WBP1L: variants seen among roughly 807,000 people sequenced by gnomAD.
The protein encoded by WBP1L is WW domain binding protein 1-like.
Under a neutral mutation model 33.7 loss-of-function variants are expected in WBP1L, and 17 were observed. That is an observed-to-expected ratio of 0.50 (90% CI 0.34 to 0.76). The LOEUF is 0.76. Ranked by LOEUF, WBP1L falls within the 30% of genes least tolerant of loss-of-function variation. WBP1L has a pLI of 0.01. For synonymous variants in WBP1L, 173 were observed against 190.8 expected (o/e 0.91, Z 0.77); for missense variants, 389 against 469.4 (o/e 0.83, Z 1.58).
chr10:102,808,317 C>G (rs1416127308), intron 2 of WBP1L, among the ~76,000 whole-genome samples: 1 of 151,850 alleles, frequency 6.6e-6, no homozygotes, highest in African/African-American at 2.4e-5. Flanking sequence ...CCCCCTCGTG[C>G]GTATATGTGT....
chr10:102,750,075 C>G (rs971736711), intron 1 of WBP1L, among the ~76,000 whole-genome samples: 59 of 151,876 alleles, frequency 3.9e-4, no homozygotes, highest in African/African-American at 1.3e-3. Context: ...AGCGACCACG[C>G]CTGGCTGCCC....
intron 1 of WBP1L, among the ~76,000 whole-genome samples, chr10:102,789,611 G>C (rs1030870982): frequency 3.9e-5 from 6 of 152,088 alleles, no homozygotes; most frequent in African/African-American, 1.2e-4. Flanking sequence ...ATTACTGCTA[G>C]TGAAATTATA....
intron 1 of WBP1L, among the ~76,000 whole-genome samples, chr10:102,767,911 T>C (rs1027138477): frequency 6.6e-6 from 1 of 152,182 alleles, no homozygotes; most frequent in African/African-American, 2.4e-5. Context: ...CTTGACATTC[T>C]ACCCCCAACT....
At chr10:102,810,564 C>CTTTTTT (rs779749788) in intron 3 of WBP1L, among the ~76,000 whole-genome samples, 1 of 59,798 alleles carries the variant, frequency 1.7e-5, no homozygotes, top group African/African-American at 7.1e-5. Flanking sequence ...CTCTCTATTT[C>CTTTTTT]TTTTTTTTTT....
intron 1 of WBP1L, among the ~76,000 whole-genome samples, chr10:102,795,967 G>T (rs1312948025): frequency 6.6e-6 from 1 of 152,196 alleles, no homozygotes; most frequent in Admixed American, 6.6e-5. Flanking sequence ...ATGGGATGGT[G>T]AAAACGGAAG....
At chr10:102,745,781 T>C (rs1247216400) in intron 1 of WBP1L, among the ~76,000 whole-genome samples, 2 of 152,240 alleles carry the variant, frequency 1.3e-5, no homozygotes, top group South Asian at 2.1e-4. Context: ...TCTAGCCCAG[T>C]GTATTCCCTT....
At chr10:102,789,059 A>T (rs1843460214) in intron 1 of WBP1L, among the ~76,000 whole-genome samples, 1 of 152,152 alleles carries the variant, frequency 6.6e-6, no homozygotes. Flanking sequence ...GCCTGGGTTC[A>T]AGTGATTCTT....
At chr10:102,750,367 T>C (rs1044162373) in intron 1 of WBP1L, among the ~76,000 whole-genome samples, 3 of 151,466 alleles carry the variant, frequency 2.0e-5, no homozygotes, top group African/African-American at 7.3e-5. Flanking sequence ...TGCACTCCAG[T>C]CTGGGCGATA....
intron 1 of WBP1L, among the ~76,000 whole-genome samples, chr10:102,744,946 T>C (rs1420940589): frequency 6.6e-6 from 1 of 152,214 alleles, no homozygotes; most frequent in Non-Finnish European, 1.5e-5. Flanking sequence ...CTTGTGCTGA[T>C]TCCAGCTCCA....
intron 1 of WBP1L, among the ~76,000 whole-genome samples, chr10:102,763,460 G>A (rs942247434): frequency 6.6e-6 from 1 of 152,112 alleles, no homozygotes; most frequent in Non-Finnish European, 1.5e-5. Context: ...GGGTCTCTGT[G>A]CACTGCTGAT....
At chr10:102,769,134 C>T (rs1296212377) in intron 1 of WBP1L, among the ~76,000 whole-genome samples, 1 of 152,160 alleles carries the variant, frequency 6.6e-6, no homozygotes, top group East Asian at 1.9e-4. Flanking sequence ...ACAAGGTGTA[C>T]GCCGCCATGC....
rs77326101 is a variant in WBP1L at position 102,771,415 on chromosome 10, G to A, written c.91-26578G>A. On this transcript the variant is annotated intron_variant, in intron 1 of 3. Transcript: ENST00000448841. The stretch of plus-strand genomic sequence containing the variant: ...TTAAAATAAAATTTTAGGGAGGCAC[G>A]GTGGCTCAGTCCTGATGTCCTGGCT... 8.0e-3 allele frequency among the ~76,000 whole-genome samples: 1,213 copies of A among 152,190 alleles called. 9 individuals are homozygous for A. The highest frequency in any genetic ancestry group is 0.028 in the African/African-American group (1,145 of 41,506).
At chr10:102,810,527 TTCCA>T (rs1167091825) in intron 3 of WBP1L, among the ~76,000 whole-genome samples, 1 of 90,312 alleles carries the variant, frequency 1.1e-5, no homozygotes, top group East Asian at 4.0e-4. Flanking sequence ...CCTTCCTTCC[TTCCA>T]TCCATCCTCC....
chr10:102,764,380 G>A (rs934455121), intron 1 of WBP1L, among the ~76,000 whole-genome samples: 3 of 152,162 alleles, frequency 2.0e-5, no homozygotes, highest in African/African-American at 4.8e-5. Context: ...CTTTAGGCAC[G>A]TCTGACCATT....
At chr10:102,762,851 C>T (rs938736657) in intron 1 of WBP1L, among the ~76,000 whole-genome samples, 12 of 152,082 alleles carry the variant, frequency 7.9e-5, no homozygotes, top group African/African-American at 2.2e-4. Context: ...CCTTCCGGTA[C>T]AGTACTGGGG....
intron 1 of WBP1L, among the ~76,000 whole-genome samples, chr10:102,785,061 A>T (rs1590181751): frequency 6.6e-6 from 1 of 151,368 alleles, no homozygotes; most frequent in East Asian, 2.0e-4. Context: ...TTTTGTAGAG[A>T]CAGGGTTTCA....
At chr10:102,775,367 C>G (rs1843246080) in intron 1 of WBP1L, among the ~76,000 whole-genome samples, 3 of 152,112 alleles carry the variant, frequency 2.0e-5, no homozygotes. Context: ...ATCCCCAGGG[C>G]CCTTGCTTGT....
rs573072502 is a variant in WBP1L, at chr10:102,785,758, T to C, written c.91-12235T>C. On this transcript the variant is annotated intron_variant, in intron 1 of 3. Coordinates refer to ENST00000448841, the MANE Select transcript of WBP1L (RefSeq NM_001083913.2). ...CCTGCTATTTCAGCCCTCAGCTCTC[T>C]GCACCAGCCCTTGCTAAAGAAGCCA... is the stretch of plus-strand genomic sequence containing the variant. Among the ~76,000 whole-genome samples, 5 of 152,368 alleles carry C rather than the reference T, an allele frequency of 3.3e-5. No individual in the cohort carries two copies. In the South Asian group the frequency reaches 6.2e-4, roughly 19 times the overall value.
intron 2 of WBP1L, among the ~76,000 whole-genome samples, chr10:102,801,469 T>G (rs528069907): frequency 6.6e-6 from 1 of 152,226 alleles, no homozygotes; most frequent in Admixed American, 6.5e-5. Context: ...AGTTCCTAGT[T>G]GATGCTGTGA....
Sources: gnomAD v4.1 joint callset for allele counts (sites outside exome capture counted in the v4.1 genomes callset) on GRCh38, gnomAD v4.1.1 for gene constraint, MANE v1.5 for transcripts, NCBI Gene and HGNC (gene_info 2026-07-23, HGNC 2026-07-21) for gene names.